The following PDLIM5 variants were observed in gnomAD, a reference collection of about 807,000 sequenced individuals.
PDLIM5 encodes PDZ and LIM domain 5.
Under a neutral mutation model 64.2 loss-of-function variants are expected in PDLIM5, and 34 were observed. That is an observed-to-expected ratio of 0.53 (90% CI 0.40 to 0.71). The LOEUF is 0.71. PDLIM5 is among the 30% of genes least tolerant of loss of function. The probability of loss-of-function intolerance (pLI) is 0.00; values close to 1 mark genes in which losing one functional copy is unlikely to be tolerated. For synonymous variants in PDLIM5, 253 were observed against 269.1 expected, an observed-to-expected ratio of 0.94 and a Z score of 0.59; for missense variants, 683 against 733.6, an observed-to-expected ratio of 0.93 and a Z score of 0.80.
chr4:94,597,922 T>C (rs1737195399), intron 7 of PDLIM5, among the ~76,000 whole-genome samples: 1 of 152,154 alleles, frequency 6.6e-6, no homozygotes, highest in Admixed American at 6.5e-5. Context: ...GAATAAGTTC[T>C]CAAGAAACAC....
At chr4:94,496,186 A>T (rs968872491) in intron 2 of PDLIM5, among the ~76,000 whole-genome samples, 3 of 152,218 alleles carry the variant, frequency 2.0e-5, no homozygotes, top group Admixed American at 1.3e-4. Flanking sequence ...GGAAATTTTT[A>T]AAAATTTGAG....
chr4:94,578,213 GC>G (rs1735446965), intron 5 of PDLIM5, among the ~76,000 whole-genome samples: 1 of 152,122 alleles, frequency 6.6e-6, no homozygotes, highest in Admixed American at 6.6e-5. Context: ...AAAATACCAA[GC>G]TTAAGTTTTG....
intron 2 of PDLIM5, among the ~76,000 whole-genome samples, chr4:94,464,492 ATGTTCTGAAAGTATGTT>A (rs1384566391): frequency 1.3e-5 from 2 of 152,190 alleles, no homozygotes; most frequent in African/African-American, 2.4e-5. Context: ...AGAGCAGACT[ATGTTCTGAAAGTATGTT>A]TGTTCTGAAA....
In PDLIM5 at chr4:94,599,086, T is replaced by C. The variant is rs114815139; in HGVS notation, c.920+12642T>C. On this transcript the variant is annotated intron_variant, in intron 7 of 12. Coordinates refer to ENST00000317968, the MANE Select transcript of PDLIM5 (RefSeq NM_006457.5). ...TGTGTTAAGGAGTTCAGATTATTTT[T>C]CTAATTAAATGAGAGGCCCAATATA... 7.7e-3 allele frequency among the ~76,000 whole-genome samples: 1,174 copies of C among 152,264 alleles called. 12 individuals carry two copies. The highest frequency in any genetic ancestry group is 0.027 in the African/African-American group (1,103 of 41,566).
intron 7 of PDLIM5, among the ~76,000 whole-genome samples, chr4:94,604,385 G>A (rs928385487): frequency 2.0e-5 from 3 of 152,198 alleles, no homozygotes; most frequent in African/African-American, 7.2e-5. Flanking sequence ...TGTAATCCCA[G>A]CACTTTGGGA....
intron 7 of PDLIM5, among the ~76,000 whole-genome samples, chr4:94,594,373 G>T (rs918880249): frequency 5.9e-5 from 9 of 152,012 alleles, no homozygotes; most frequent in African/African-American, 1.9e-4. Flanking sequence ...TATATGAGAT[G>T]CTTAGTTAGT....
At chr4:94,648,523 C>T (rs1741592100) in intron 9 of PDLIM5, among the ~76,000 whole-genome samples, 1 of 152,152 alleles carries the variant, frequency 6.6e-6, no homozygotes, top group Admixed American at 6.5e-5. Flanking sequence ...TGGCCTCGAA[C>T]TCCTGGCCTC....
intron 12 of PDLIM5, 70 bp from the exon 13 acceptor site, chr4:94,663,908 C>T: frequency 1.3e-6 from 2 of 1,502,144 alleles, no homozygotes; most frequent in South Asian, 1.3e-5. Context: ...CTCTCCTTCT[C>T]CAGCATACTG....
intron 2 of PDLIM5, among the ~76,000 whole-genome samples, chr4:94,459,949 T>C (rs1360622060): frequency 1.3e-5 from 2 of 152,208 alleles, no homozygotes; most frequent in South Asian, 2.1e-4. Flanking sequence ...GTTTCCCTCC[T>C]ACCGGAAGAC....
chr4:94,576,393 AAC>A (rs565009305), intron 5 of PDLIM5, among the ~76,000 whole-genome samples: 44 of 152,296 alleles, frequency 2.9e-4, no homozygotes, highest in African/African-American at 9.9e-4. Flanking sequence ...CAAAAGTTCA[AAC>A]AGTGGTTACA....
chr4:94,553,229 C>G (rs1034938465), intron 3 of PDLIM5, among the ~76,000 whole-genome samples: 2 of 152,050 alleles, frequency 1.3e-5, no homozygotes, highest in African/African-American at 4.8e-5. Context: ...CAGCCACAGC[C>G]TCCTGAGTAC....
At chr4:94,473,006 T>A (rs1315608773) in intron 2 of PDLIM5, among the ~76,000 whole-genome samples, 1 of 152,152 alleles carries the variant, frequency 6.6e-6, no homozygotes, top group African/African-American at 2.4e-5. Context: ...TAAAATGGTA[T>A]GGAGCAAAAC....
chr4:94,513,848 C>G (rs1729113926), intron 2 of PDLIM5, among the ~76,000 whole-genome samples: 2 of 152,110 alleles, frequency 1.3e-5, no homozygotes, highest in South Asian at 4.1e-4. Flanking sequence ...CAGTATGATA[C>G]TAGCTGTGGG....
At chr4:94,463,903 G>A (rs573132408) in intron 2 of PDLIM5, among the ~76,000 whole-genome samples, 5 of 152,276 alleles carry the variant, frequency 3.3e-5, no homozygotes, top group African/African-American at 1.2e-4. Context: ...ACTGAAATCA[G>A]GTAGGTTTAT....
chr4:94,504,491 T>C, intron 2 of PDLIM5, among the ~76,000 whole-genome samples: 1 of 152,172 alleles, frequency 6.6e-6, no homozygotes, highest in East Asian at 1.9e-4. Context: ...TTCGCCATGT[T>C]GGCCAGGATG....
At chr4:94,499,036 C>CT (rs1400655412) in intron 2 of PDLIM5, among the ~76,000 whole-genome samples, 3 of 152,082 alleles carry the variant, frequency 2.0e-5, no homozygotes, top group Non-Finnish European at 4.4e-5. Context: ...GTATTGTGGT[C>CT]TACTTTAGTA....
chr4:94,487,092 T>G (rs761021847), intron 2 of PDLIM5, among the ~76,000 whole-genome samples: 1 of 152,220 alleles, frequency 6.6e-6, no homozygotes, highest in African/African-American at 2.4e-5. Flanking sequence ...AATGATGTCA[T>G]TGGGGAGATG....
chr4:94,563,029 TCA>T (rs1733978486), intron 3 of PDLIM5, among the ~76,000 whole-genome samples: 1 of 152,158 alleles, frequency 6.6e-6, no homozygotes, highest in South Asian at 2.1e-4. Flanking sequence ...TAAGCAAAAT[TCA>T]GTTTTCTATA....
chr4:94,612,083 C>T (rs1738410958), intron 7 of PDLIM5, among the ~76,000 whole-genome samples: 1 of 151,886 alleles, frequency 6.6e-6, no homozygotes, highest in Non-Finnish European at 1.5e-5. Context: ...CCGGGTGTGG[C>T]AGTGGGTGCC....
Sources: gnomAD v4.1 joint callset for allele counts (sites outside exome capture counted in the v4.1 genomes callset) on GRCh38, gnomAD v4.1.1 for gene constraint, MANE v1.5 for transcripts, NCBI Gene and HGNC (gene_info 2026-07-23, HGNC 2026-07-21) for gene names.